Variants in ITGB1BP1 observed in about 807,000 individuals in gnomAD.
ITGB1BP1 encodes integrin subunit beta 1 binding protein 1.
Under a neutral mutation model 28.0 loss-of-function variants are expected in ITGB1BP1, and 20 were observed. The ratio of observed to expected loss-of-function variants is 0.71; its 90% CI spans 0.50 to 1.04. The LOEUF (loss-of-function observed/expected upper bound fraction) is 1.04. Ranked by LOEUF, ITGB1BP1 falls within the 50% of genes least tolerant of loss-of-function variation. ITGB1BP1 has a pLI of 0.00. For missense variants in ITGB1BP1, 228 were observed against 242.5 expected, an observed-to-expected ratio of 0.94 and a Z score of 0.40; for synonymous variants, 103 against 89.5, an observed-to-expected ratio of 1.15 and a Z score of -0.85.
rs1677075931 is a variant in ITGB1BP1 at position 9,404,816 on chromosome 2, G to T, written c.*2018C>A. The T allele has an allele frequency of 6.6e-6, 1 of 151,360 alleles. No individual in the cohort carries two copies. 9.4% of individuals were successfully genotyped at this position (151,360 alleles called of 1,614,324 possible). A position where few individuals can be genotyped will look rare whatever the true frequency, so the allele number is the denominator to read the frequency against. ...ACAAACTGGAATGTTTTATGATGTT[G>T]TATAGCAATCGCTTTTTACCTTTCA... On this transcript the variant is annotated 3_prime_UTR_variant, in exon 7 of 7. Transcript: ENST00000355346.
At position 9,412,385 on chromosome 2, in the gene ITGB1BP1, C is replaced by T. The variant is rs150024997; in HGVS notation, c.172G>A (p.Asp58Asn). 1.2e-6 allele frequency: 2 copies of T among 1,608,238 alleles called. No homozygotes were observed. The highest frequency in any genetic ancestry group is 1.7e-6 in the Non-Finnish European group (2 of 1,178,516). ...TTTATTCGAAATTCTGCACAGGTAT[C>T]TGAATTATTGTTGCTTTGTCCTGAA... ...KSSGQSNNNSDTCAEFRIKYV... is the reference protein window; with the variant it reads ...KSSGQSNNNSNTCAEFRIKYV... The change falls in exon 4 of 7, where the codon GAT becomes AAT. Residue 58 changes from aspartate (D) to asparagine (N), a missense_variant. Asp to Asn is a conservative substitution (Grantham distance 23). Transcript: ENST00000355346.
At chr2:9,410,442 GTGTTT>G (rs368604111) in intron 4 of ITGB1BP1, among the ~76,000 whole-genome samples, 5 of 151,628 alleles carry the variant, frequency 3.3e-5, no homozygotes, top group African/African-American at 9.7e-5. Context: ...GCCCAGGCTG[GTGTTT>G]TGTTTTGTTT....
chr2:9,404,886 G>T lies in ITGB1BP1; in HGVS notation c.*1948C>A, dbSNP rs1393999441. The T allele has an allele frequency of 7.3e-5, 11 of 150,464 alleles. No individual in the cohort carries two copies. The highest frequency in any genetic ancestry group is 2.5e-4 in the African/African-American group (10 of 40,782). The allele number at this position is 150,464 out of a possible 1,614,324, so 9.3% of individuals were successfully genotyped here. On this transcript the variant is annotated 3_prime_UTR_variant, in exon 7 of 7. Coordinates refer to ENST00000355346, the MANE Select transcript of ITGB1BP1 (RefSeq NM_004763.5). ...GTTATATCTGTAGTTTTTTGTTTTT[G>T]TTTTTTTTTAAAGCACTACATCTGT...
intron 2 of ITGB1BP1, among the ~76,000 whole-genome samples, chr2:9,414,609 C>G (rs1418252741): frequency 2.0e-5 from 3 of 152,228 alleles, no homozygotes; most frequent in Non-Finnish European, 4.4e-5. Flanking sequence ...ATGAGTTCCA[C>G]TGAACCCAAA....
chr2:9,415,974 C>G lies in ITGB1BP1; in HGVS notation c.73-1718G>C, dbSNP rs142988518. On this transcript the variant is annotated intron_variant, in intron 2 of 6. Coordinates refer to ENST00000355346, the MANE Select transcript of ITGB1BP1 (RefSeq NM_004763.5). This position sits in a 1 kb window ranked among gnomAD's most constrained non-coding sequence, Gnocchi z 4.1. ...AGGCATCTCCTGAGGGGGCCTTGTG[C>G]GACCCTGCGAGACGCCTCCTTCTGT... Among the ~76,000 whole-genome samples, 1 of 152,244 alleles carries G rather than the reference C, an allele frequency of 6.6e-6. No homozygotes were observed. Among genetic ancestry groups the G allele is most frequent in the Non-Finnish European group, 1.5e-5 (1 of 68,044 alleles).
At position 9,415,593 on chromosome 2, in the gene ITGB1BP1, A is replaced by G. The variant is rs1679024876; in HGVS notation, c.73-1337T>C. 6.6e-6 allele frequency among the ~76,000 whole-genome samples: 1 copy of G among 152,196 alleles called. No individual in the cohort carries two copies. Among genetic ancestry groups the G allele is most frequent in the Non-Finnish European group, 1.5e-5 (1 of 68,040 alleles). ...AGGCTCCGTCTCCAAAAATAAAAAT[A>G]AAACAAGACATTGGGCCACACAGAT... is the stretch of plus-strand genomic sequence containing the variant. On this transcript the variant is annotated intron_variant, in intron 2 of 6. Transcript: ENST00000355346. This position sits in a 1 kb window ranked among gnomAD's most constrained non-coding sequence, Gnocchi z 4.1.
At chr2:9,418,586 T>G (rs752503922) in intron 2 of ITGB1BP1, 40 bp downstream of exon 2, 2 of 1,360,928 alleles carry the variant, frequency 1.5e-6, no homozygotes, top group Non-Finnish European at 2.1e-6. Flanking sequence ...AACAAAACTC[T>G]CCCTGCTTTA....
In ITGB1BP1 at chr2:9,405,836, C is replaced by G. The variant is rs1677204082; in HGVS notation, c.*998G>C. 6.6e-6 allele frequency: 1 copy of G among 152,174 alleles called. No homozygotes were observed. The highest frequency in any genetic ancestry group is 2.1e-4 in the South Asian group (1 of 4,822). The allele number at this position is 152,174 out of a possible 1,614,324, so 9.4% of individuals were successfully genotyped here. A position where few individuals can be genotyped will look rare whatever the true frequency, so the allele number is the denominator to read the frequency against. On this transcript the variant is annotated 3_prime_UTR_variant, in exon 7 of 7. Coordinates refer to ENST00000355346, the MANE Select transcript of ITGB1BP1 (RefSeq NM_004763.5). ...CTTAACTCTAGGAATTGTGGTTGGCCAGCATGTTATCTTGACCAGACACTT... is the reference window on the plus strand; with the variant it reads ...CTTAACTCTAGGAATTGTGGTTGGCGAGCATGTTATCTTGACCAGACACTT...
chr2:9,407,786 C>G (rs888856934), intron 5 of ITGB1BP1, among the ~76,000 whole-genome samples, 188 bp from the exon 6 acceptor site: 1 of 151,998 alleles, frequency 6.6e-6, no homozygotes, highest in African/African-American at 2.4e-5. Context: ...GTGCAGTGAT[C>G]TAAACTGACT....
At chr2:9,417,209 C>G (rs1679254774) in intron 2 of ITGB1BP1, among the ~76,000 whole-genome samples, 1 of 152,080 alleles carries the variant, frequency 6.6e-6, no homozygotes, top group African/African-American at 2.4e-5. Context: ...ACACCTGCAC[C>G]TGCCTCGCCC....
intron 1 of ITGB1BP1, 25 bp downstream of exon 1, chr2:9,423,348 A>C (rs1429459357): frequency 2.5e-6 from 3 of 1,206,696 alleles, no homozygotes; most frequent in East Asian, 9.4e-5. Flanking sequence ...CTCGGCCCCA[A>C]GCGGGACGAG....
rs138584897 is a variant in ITGB1BP1 at position 9,414,145 on chromosome 2, G to A, written c.151+33C>T. On this transcript the variant is annotated intron_variant, in intron 3 of 6. Transcript: ENST00000355346. The stretch of plus-strand genomic sequence containing the variant: ...AACCACGTGAACATCAATGAAAAGC[G>A]CAGACAATCAATGATCCAACCCTTT... The A allele has an allele frequency of 1.2e-3, 1,851 of 1,558,854 alleles. 4 individuals are homozygous for A. Among genetic ancestry groups the A allele is most frequent in the Middle Eastern group, 5.1e-3 (30 of 5,932 alleles).
rs1347552162 is a variant in ITGB1BP1, at chr2:9,406,081, GTGTGT to G, written c.*748_*752del. ...ATCTCGTCTTCCTCAGGCCTTCAGT[GTGTGT>G]TTGTCACTGAGTGGACCTCTGTGAC... On this transcript the variant is annotated 3_prime_UTR_variant, in exon 7 of 7. Transcript: ENST00000355346. 9.1e-5 allele frequency: 10 copies of G among 110,080 alleles called. No individual in the cohort carries two copies. The highest frequency in any genetic ancestry group is 1.8e-4 in the Non-Finnish European group (9 of 50,870). The allele number at this position is 110,080 out of a possible 1,614,324, so 6.8% of individuals were successfully genotyped here. A position where few individuals can be genotyped will look rare whatever the true frequency, so the allele number is the denominator to read the frequency against.
chr2:9,414,118 A>G, intron 3 of ITGB1BP1, 60 bp downstream of exon 3: 1 of 1,400,884 alleles, frequency 7.1e-7, no homozygotes, highest in Non-Finnish European at 1.0e-6. Context: ...CTACCCCAGT[A>G]AAACCACGTG....
At chr2:9,418,491 A>C in intron 2 of ITGB1BP1, 135 bp downstream of exon 2, 1 of 713,274 alleles carries the variant, frequency 1.4e-6, no homozygotes, top group Non-Finnish European at 2.5e-6. Flanking sequence ...CTAGTGCAAA[A>C]AGTAAATGTT....
At chr2:9,414,434 A>C (rs536094203) in intron 2 of ITGB1BP1, among the ~76,000 whole-genome samples, 178 bp from the exon 3 acceptor site, 8 of 143,192 alleles carry the variant, frequency 5.6e-5, no homozygotes, top group Non-Finnish European at 1.3e-4. Flanking sequence ...AACAAACTTC[A>C]AAAAAAAAAC....
rs1198838334 is a variant in ITGB1BP1, at chr2:9,415,678, GT to G, written c.73-1423del. Among the ~76,000 whole-genome samples the G allele has an allele frequency of 1.3e-5, 2 of 152,208 alleles. No homozygotes were observed. The highest frequency in any genetic ancestry group is 1.3e-4 in the Admixed American group (2 of 15,286). On this transcript the variant is annotated intron_variant, in intron 2 of 6. Transcript: ENST00000355346. The surrounding 1 kb of genome is among the most constrained non-coding windows in gnomAD (Gnocchi z 4.1). ...GAGGAAGTGGCAGTAGGGAGGTTCT[GT>G]GTTGAGCAGCTCCAGGAGTTCAAAA... is the stretch of plus-strand genomic sequence containing the variant.
In ITGB1BP1 at chr2:9,404,000, C is replaced by A. The variant is rs1676972085; in HGVS notation, c.*2834G>T. ...CAACGTAGGGTAACTACAGTTCATT[C>A]TGTTCCAGGTTATATAAAACTGCAT... On this transcript the variant is annotated 3_prime_UTR_variant, in exon 7 of 7. Coordinates refer to ENST00000355346, the MANE Select transcript of ITGB1BP1 (RefSeq NM_004763.5). 6.6e-6 allele frequency: 1 copy of A among 152,248 alleles called. No homozygotes were observed. The highest frequency in any genetic ancestry group is 2.1e-4 in the South Asian group (1 of 4,832). 9.4% of individuals were successfully genotyped at this position (152,248 alleles called of 1,614,324 possible).
chr2:9,416,718 C>G (rs1375430352), intron 2 of ITGB1BP1, among the ~76,000 whole-genome samples: 2 of 152,202 alleles, frequency 1.3e-5, no homozygotes, highest in Non-Finnish European at 2.9e-5. Flanking sequence ...TACAACCTCC[C>G]CAGTCTCTGA....
Sources: gnomAD v4.1 joint callset for allele counts (sites outside exome capture counted in the v4.1 genomes callset) on GRCh38, gnomAD v4.1.1 for gene constraint, Gnocchi (gnomAD v3.1) non-coding constraint, MANE v1.5 for transcripts, NCBI Gene and HGNC (gene_info 2026-07-23, HGNC 2026-07-21) for gene names.